The following CHN1 variants were observed in gnomAD, a reference collection of about 807,000 sequenced individuals.
CHN1 encodes the protein chimerin 1, also known as N-chimaerin.
CHN1 carries 37 observed loss-of-function variants against 59.5 expected under a neutral mutation model. The ratio of observed to expected loss-of-function variants is 0.62; its 90% CI spans 0.48 to 0.82. The LOEUF is 0.82. Ranked by LOEUF, CHN1 falls within the 40% of genes least tolerant of loss-of-function variation. The pLI is 0.00. For missense variants in CHN1, 469 were observed against 571.0 expected (o/e 0.82, Z 1.82); for synonymous variants, 206 against 200.4 (o/e 1.03, Z -0.24).
intron 1 of CHN1, among the ~76,000 whole-genome samples, chr2:174,994,987 A>G (rs1691661382): frequency 6.6e-6 from 1 of 152,246 alleles, no homozygotes; most frequent in Admixed American, 6.5e-5. Flanking sequence ...CTCTCATATA[A>G]TAAGCAAGGA....
At chr2:174,841,045 G>A (rs1356070964) in intron 7 of CHN1, among the ~76,000 whole-genome samples, 3 of 152,176 alleles carry the variant, frequency 2.0e-5, no homozygotes, top group African/African-American at 7.2e-5. Flanking sequence ...CATGGTCTGT[G>A]AGAATAATAT....
chr2:174,870,154 A>C (rs1687360064), intron 6 of CHN1, among the ~76,000 whole-genome samples: 1 of 152,190 alleles, frequency 6.6e-6, no homozygotes, highest in Admixed American at 6.5e-5. Flanking sequence ...GAAGGATAAT[A>C]AGGCTGATTC....
At chr2:174,957,148 A>G (rs1230263892) in intron 1 of CHN1, among the ~76,000 whole-genome samples, 3 of 152,230 alleles carry the variant, frequency 2.0e-5, no homozygotes, top group Admixed American at 1.3e-4. Flanking sequence ...AAGATGTATC[A>G]CAGCCTTCTT....
At chr2:174,979,186 T>C (rs1389838875) in intron 1 of CHN1, among the ~76,000 whole-genome samples, 2 of 152,244 alleles carry the variant, frequency 1.3e-5, no homozygotes, top group East Asian at 1.9e-4. Flanking sequence ...ACAGTCAAGA[T>C]ATTTTACAGT....
In CHN1 at chr2:174,883,810, T is replaced by C. The variant is rs554818430; in HGVS notation, c.261-5682A>G. ...TAGAATCCTGTAAAAAAAAGGAATA[T>C]AGAATATATAGAAAAATAAGTAGAA... On this transcript the variant is annotated intron_variant, in intron 5 of 12. Transcript: ENST00000409900. Among the ~76,000 whole-genome samples, 29 of 150,712 alleles carry C rather than the reference T, an allele frequency of 1.9e-4. No homozygotes were observed. The South Asian group carries it at 5.9e-3, about 31-fold the overall frequency.
chr2:174,990,256 TGTGTGTGAGA>T (rs1231123544), intron 1 of CHN1, among the ~76,000 whole-genome samples: 20 of 95,448 alleles, frequency 2.1e-4, no homozygotes, highest in African/African-American at 6.8e-4. Context: ...TGTGTGTGTG[TGTGTGTGAGA>T]GAGAGAGAGA....
At chr2:174,868,629 T>C (rs998724744) in intron 6 of CHN1, among the ~76,000 whole-genome samples, 4 of 152,210 alleles carry the variant, frequency 2.6e-5, no homozygotes, top group Admixed American at 2.0e-4. Flanking sequence ...TAGGTTTTCC[T>C]AAAGGCAACA....
At position 174,825,499 on chromosome 2, in the gene CHN1, A is replaced by G. The variant is rs549143784; in HGVS notation, c.628-981T>C. ...TTTCCTTAAAAAGAAAGGAATCCCC[A>G]AAGAAGAAAGGATTCAAATGTTAAG... On this transcript the variant is annotated intron_variant, in intron 7 of 12. Coordinates refer to ENST00000409900, the MANE Select transcript of CHN1 (RefSeq NM_001822.7). Among the ~76,000 whole-genome samples, 9 of 152,358 alleles carry G rather than the reference A, an allele frequency of 5.9e-5. No homozygotes were observed. The South Asian group carries it at 1.9e-3, about 32-fold the overall frequency.
chr2:174,836,080 C>T (rs1289347479), intron 7 of CHN1, among the ~76,000 whole-genome samples: 2 of 152,160 alleles, frequency 1.3e-5, no homozygotes, highest in Non-Finnish European at 2.9e-5. Context: ...AGCTGCTTTG[C>T]ACCTCCCCCA....
intron 5 of CHN1, among the ~76,000 whole-genome samples, chr2:174,878,787 G>A (rs547380931): frequency 2.9e-4 from 44 of 152,158 alleles, no homozygotes; most frequent in Non-Finnish European, 5.7e-4. Context: ...AAATACATAC[G>A]GCACAAAAGT....
intron 8 of CHN1, among the ~76,000 whole-genome samples, chr2:174,813,229 C>T (rs548362262): frequency 6.6e-6 from 1 of 152,268 alleles, no homozygotes; most frequent in South Asian, 2.1e-4. Context: ...CACAGTGGAA[C>T]AGAACTCAAG....
chr2:174,887,322 T>C (rs1312615841), intron 5 of CHN1, among the ~76,000 whole-genome samples: 1 of 152,166 alleles, frequency 6.6e-6, no homozygotes, highest in Non-Finnish European at 1.5e-5. Flanking sequence ...AACATAACAA[T>C]AGTTACCACT....
intron 1 of CHN1, among the ~76,000 whole-genome samples, chr2:174,975,138 A>G (rs1390928578): frequency 6.6e-6 from 1 of 152,198 alleles, no homozygotes; most frequent in African/African-American, 2.4e-5. Context: ...GCTCAGTAGC[A>G]AAAAGCTGAC....
chr2:174,953,773 CT>C (rs1690100827), intron 1 of CHN1, among the ~76,000 whole-genome samples: 1 of 152,180 alleles, frequency 6.6e-6, no homozygotes, highest in Non-Finnish European at 1.5e-5. Context: ...CTGCAAAACA[CT>C]ACTGAAAGAA....
intron 6 of CHN1, chr2:174,847,873 A>T: frequency 2.4e-6 from 1 of 418,770 alleles, no homozygotes; most frequent in Admixed American, 3.0e-5. Flanking sequence ...ACCTATTAAA[A>T]GCAGAGGAAA....
chr2:174,828,282 T>C (rs1049363703), intron 7 of CHN1, among the ~76,000 whole-genome samples: 2 of 152,322 alleles, frequency 1.3e-5, no homozygotes, highest in Non-Finnish European at 2.9e-5. Flanking sequence ...GAAAGCAAGT[T>C]TCCTTTTTGG....
At chr2:174,864,666 T>G (rs567232514) in intron 6 of CHN1, among the ~76,000 whole-genome samples, 2 of 152,122 alleles carry the variant, frequency 1.3e-5, no homozygotes, top group Non-Finnish European at 2.9e-5. Flanking sequence ...AGCCCAGAAG[T>G]TCGAGACCAG....
At chr2:174,850,831 G>A (rs1390549043) in intron 6 of CHN1, among the ~76,000 whole-genome samples, 1 of 152,166 alleles carries the variant, frequency 6.6e-6, no homozygotes, top group African/African-American at 2.4e-5. Context: ...AGTGGAAAGT[G>A]GCAAGAAAAG....
intron 1 of CHN1, among the ~76,000 whole-genome samples, chr2:174,959,588 A>G (rs1473383905): frequency 6.6e-6 from 1 of 152,222 alleles, no homozygotes; most frequent in Non-Finnish European, 1.5e-5. Flanking sequence ...ATTCAAAATT[A>G]AAGAGTTCTG....
Sources: gnomAD v4.1 joint callset for allele counts (sites outside exome capture counted in the v4.1 genomes callset) on GRCh38, gnomAD v4.1.1 for gene constraint, MANE v1.5 for transcripts, NCBI Gene and HGNC (gene_info 2026-07-23, HGNC 2026-07-21) for gene names.